The following AKAP19 variants were observed in gnomAD, a reference collection of about 807,000 sequenced individuals.
AKAP19 encodes the protein small A-kinase anchoring protein.
chr2:189,911,398 C>T, the AKAP19 span, among the ~76,000 whole-genome samples: 1 of 152,026 alleles, frequency 6.6e-6, no homozygotes, highest in East Asian at 1.9e-4. Context: ...CTAGATTTTA[C>T]TGATCTCTTA....
At chr2:189,949,173 G>C in the AKAP19 span, among the ~76,000 whole-genome samples, 8,790 of 152,128 alleles carry the variant, frequency 0.058, 874 homozygotes, top group African/African-American at 0.2. Context: ...CAGTATCTGC[G>C]GGTTTCACAT....
chr2:190,124,849 A>C, the AKAP19 span, among the ~76,000 whole-genome samples: 1 of 152,118 alleles, frequency 6.6e-6, no homozygotes, highest in Non-Finnish European at 1.5e-5. Flanking sequence ...CTTACTCTAT[A>C]AACTTTTTTC....
chr2:190,178,001 C>T, the AKAP19 span, among the ~76,000 whole-genome samples: 2 of 152,160 alleles, frequency 1.3e-5, no homozygotes, highest in Non-Finnish European at 2.9e-5. This position sits in a 1 kb window ranked among gnomAD's most constrained non-coding sequence, Gnocchi z 6.3. Flanking sequence ...CTCAGGCCAT[C>T]GCTGGGTCCT....
At chr2:190,060,304 C>A in the AKAP19 span, 1 of 1,613,088 alleles carries the variant, frequency 6.2e-7, no homozygotes, top group Non-Finnish European at 8.5e-7. Flanking sequence ...TGCACAAACA[C>A]TGTTGTAGGA....
At chr2:189,888,957 A>T in the AKAP19 span, among the ~76,000 whole-genome samples, 1 of 151,344 alleles carries the variant, frequency 6.6e-6, no homozygotes, top group African/African-American at 2.4e-5. Flanking sequence ...TGATTGGAGA[A>T]CTTCCAATAC....
chr2:190,165,534 G>T, the AKAP19 span, among the ~76,000 whole-genome samples: 1 of 152,070 alleles, frequency 6.6e-6, no homozygotes, highest in Non-Finnish European at 1.5e-5. Flanking sequence ...CAAAGCATGA[G>T]CTAAGTTGAG....
the AKAP19 span, among the ~76,000 whole-genome samples, chr2:190,009,382 A>C: frequency 8.5e-5 from 13 of 152,254 alleles, no homozygotes; most frequent in East Asian, 2.5e-3. Context: ...AATGTTAAGA[A>C]ATGTTGGATT....
the AKAP19 span, among the ~76,000 whole-genome samples, chr2:189,891,206 A>G: frequency 6.7e-6 from 1 of 149,846 alleles, no homozygotes; most frequent in African/African-American, 2.5e-5. Flanking sequence ...TTCTAGGTTG[A>G]AAGTTCTTTT....
chr2:189,917,134 A>G, the AKAP19 span: 4 of 420,606 alleles, frequency 9.5e-6, no homozygotes, highest in Admixed American at 1.8e-4. Context: ...ATTGAAGGTC[A>G]CAGAAAAATA....
the AKAP19 span, among the ~76,000 whole-genome samples, chr2:190,183,653 A>G: frequency 6.6e-6 from 1 of 152,076 alleles, no homozygotes; most frequent in Non-Finnish European, 1.5e-5. Flanking sequence ...CACTGGGGGA[A>G]AAAAGTTCTG....
the AKAP19 span, among the ~76,000 whole-genome samples, chr2:190,013,043 T>A: frequency 6.6e-5 from 10 of 152,200 alleles, no homozygotes; most frequent in Non-Finnish European, 1.2e-4. Context: ...TATTTATATT[T>A]ATCAGGGTTA....
chr2:190,092,873 C>G, the AKAP19 span, among the ~76,000 whole-genome samples: 2 of 152,102 alleles, frequency 1.3e-5, no homozygotes. Flanking sequence ...GGTATTAAAA[C>G]TAGAGTTCTA....
chr2:190,192,129 A>G, the AKAP19 span, among the ~76,000 whole-genome samples: 18 of 152,108 alleles, frequency 1.2e-4, no homozygotes, highest in Non-Finnish European at 2.2e-4. Context: ...ATTTTTCTAT[A>G]AAGTATAAGG....
the AKAP19 span, among the ~76,000 whole-genome samples, chr2:189,985,207 T>C: frequency 2.0e-5 from 3 of 152,210 alleles, no homozygotes; most frequent in Non-Finnish European, 4.4e-5. Context: ...CTTCTTACTG[T>C]GGGCACTCCA....
the AKAP19 span, among the ~76,000 whole-genome samples, chr2:190,058,335 C>G: frequency 5.9e-5 from 9 of 151,918 alleles, no homozygotes; most frequent in Non-Finnish European, 1.2e-4. Context: ...GACATATTAT[C>G]AATTTTGATC....
the AKAP19 span, among the ~76,000 whole-genome samples, chr2:189,945,427 A>G: frequency 6.6e-6 from 1 of 152,206 alleles, no homozygotes; most frequent in African/African-American, 2.4e-5. Flanking sequence ...AAGCCTTCAG[A>G]TGACTTTAGA....
the AKAP19 span, among the ~76,000 whole-genome samples, chr2:190,114,479 G>A: frequency 5.9e-5 from 9 of 152,184 alleles, no homozygotes; most frequent in East Asian, 1.4e-3. Flanking sequence ...TTTTTGAGAC[G>A]GAGTCTCGCT....
chr2:189,958,542 T>A, the AKAP19 span, among the ~76,000 whole-genome samples: 140 of 144,494 alleles, frequency 9.7e-4, 1 homozygote, highest in African/African-American at 3.4e-3. Flanking sequence ...TATATATATA[T>A]AACATTGAAG....
chr2:190,155,441 G>A, the AKAP19 span, among the ~76,000 whole-genome samples: 1 of 152,088 alleles, frequency 6.6e-6, no homozygotes. Context: ...GAGGTGGTAG[G>A]TGAAAAAAAG....
Sources: allele counts gnomAD v4.1 joint callset (sites outside exome capture counted in the v4.1 genomes callset), GRCh38; gene constraint gnomAD v4.1.1; non-coding constraint Gnocchi (gnomAD v3.1); transcripts MANE v1.5; gene names NCBI Gene and HGNC (gene_info 2026-07-23, HGNC 2026-07-21).